LUZP2: variants seen among roughly 807,000 people sequenced by gnomAD.
The protein encoded by LUZP2 is leucine zipper protein 2.
In LUZP2, 52 loss-of-function variants were observed where a neutral mutation model predicts 51.6. The ratio of observed to expected loss-of-function variants is 1.01; its 90% CI spans 0.81 to 1.27. The LOEUF is 1.27. Among genes scored for constraint, LUZP2 ranks in the 50% most tolerant of loss-of-function variants. The pLI is 0.00. For missense variants in LUZP2, 436 were observed against 395.4 expected (o/e 1.10, Z -0.87); for synonymous variants, 154 against 137.3 (o/e 1.12, Z -0.85).
intron 5 of LUZP2, among the ~76,000 whole-genome samples, chr11:24,894,471 G>A (rs1441842692): frequency 2.6e-5 from 4 of 152,052 alleles, no homozygotes; most frequent in Non-Finnish European, 2.9e-5. Context: ...CACCGTGCCC[G>A]GCCAGATAAT....
chr11:24,854,738 G>A (rs1484032680), intron 5 of LUZP2, among the ~76,000 whole-genome samples: 1 of 151,502 alleles, frequency 6.6e-6, no homozygotes, highest in Non-Finnish European at 1.5e-5. Context: ...TTTTGTGCTT[G>A]AAACCCAGTG....
chr11:24,549,073 CTTTTAA>C (rs1163650203), intron 1 of LUZP2, among the ~76,000 whole-genome samples: 2 of 151,928 alleles, frequency 1.3e-5, no homozygotes, highest in African/African-American at 2.4e-5. Flanking sequence ...ACTCTATACA[CTTTTAA>C]TTTTAATTTT....
chr11:24,886,528 A>G (rs139213784), intron 5 of LUZP2, among the ~76,000 whole-genome samples: 1 of 152,282 alleles, frequency 6.6e-6, no homozygotes, highest in Non-Finnish European at 1.5e-5. Context: ...AGAAAAATTT[A>G]TTTCCATTGC....
chr11:24,668,725 C>T (rs536181582), intron 1 of LUZP2, among the ~76,000 whole-genome samples: 11 of 152,252 alleles, frequency 7.2e-5, no homozygotes, highest in Admixed American at 2.0e-4. Context: ...TTACACTGCA[C>T]GTCTCTCGCT....
intron 1 of LUZP2, among the ~76,000 whole-genome samples, chr11:24,514,263 G>C (rs1418997295): frequency 6.6e-6 from 1 of 152,156 alleles, no homozygotes; most frequent in African/African-American, 2.4e-5. Context: ...AGACAAAGTG[G>C]CAGAGAAAAA....
At chr11:24,817,897 T>C (rs1022475393) in intron 5 of LUZP2, among the ~76,000 whole-genome samples, 1 of 152,110 alleles carries the variant, frequency 6.6e-6, no homozygotes, top group African/African-American at 2.4e-5. Flanking sequence ...TATGAACATA[T>C]CTTCCAGCTG....
At chr11:24,678,947 C>A (rs1856650386) in intron 1 of LUZP2, among the ~76,000 whole-genome samples, 1 of 152,168 alleles carries the variant, frequency 6.6e-6, no homozygotes, top group Admixed American at 6.5e-5. Flanking sequence ...AGAGAACAAT[C>A]CTTGGCATTT....
chr11:24,926,203 G>T (rs1325611280), intron 7 of LUZP2, among the ~76,000 whole-genome samples: 2 of 147,186 alleles, frequency 1.4e-5, no homozygotes, highest in Non-Finnish European at 3.0e-5. Flanking sequence ...ATATATATAT[G>T]TGTGTATATA....
chr11:24,868,599 C>T (rs1851963923), intron 5 of LUZP2, among the ~76,000 whole-genome samples: 1 of 152,024 alleles, frequency 6.6e-6, no homozygotes, highest in East Asian at 1.9e-4. Flanking sequence ...ATATTTTCTC[C>T]CTGACACCAT....
intron 10 of LUZP2, among the ~76,000 whole-genome samples, chr11:25,058,224 G>A (rs913060054): frequency 6.6e-6 from 1 of 151,640 alleles, no homozygotes; most frequent in African/African-American, 2.4e-5. Flanking sequence ...AGATTCCAAT[G>A]GTCTTTGGAA....
chr11:24,878,096 CTG>C (rs3078865), intron 5 of LUZP2, among the ~76,000 whole-genome samples: 6 of 45,500 alleles, frequency 1.3e-4, no homozygotes, highest in South Asian at 1.1e-3. Context: ...TTGTAATATT[CTG>C]TGTTTTTTTT....
intron 4 of LUZP2, among the ~76,000 whole-genome samples, chr11:24,760,519 A>C (rs771535629): frequency 6.6e-6 from 1 of 152,174 alleles, no homozygotes; most frequent in Non-Finnish European, 1.5e-5. Context: ...TACTTTGAAA[A>C]TTAATATGGC....
chr11:25,043,832 T>C (rs1188414020), intron 9 of LUZP2, among the ~76,000 whole-genome samples: 1 of 147,518 alleles, frequency 6.8e-6, no homozygotes, highest in Non-Finnish European at 1.5e-5. Flanking sequence ...TAAATTGCAG[T>C]GTGCTTTTTG....
At chr11:24,652,074 TATGTGTGTACACATGTTGTGC>T (rs1855642373) in intron 1 of LUZP2, among the ~76,000 whole-genome samples, 1 of 146,130 alleles carries the variant, frequency 6.8e-6, no homozygotes, top group South Asian at 2.2e-4. Flanking sequence ...ACATGTTGTA[TATGTGTGTACACATGTTGTGC>T]ATGTGTGTAT....
rs372657183 is a variant in LUZP2, at chr11:25,076,620, A to G, written c.859-709A>G. ...GAGGGAACTAAGGAAGGAATGAAGG[A>G]AGGAAGGGAGGAAGGGAAAAAGAGG... On this transcript the variant is annotated intron_variant, in intron 10 of 11. Transcript: ENST00000336930. Among the ~76,000 whole-genome samples, 781 of 95,326 alleles carry G rather than the reference A, an allele frequency of 8.2e-3. 6 individuals carry two copies. The highest frequency in any genetic ancestry group is 0.023 in the African/African-American group (665 of 28,838). 62.5% of individuals were successfully genotyped at this position (95,326 alleles called of 152,430 possible).
chr11:24,601,436 C>G (rs1853632731), intron 1 of LUZP2, among the ~76,000 whole-genome samples: 1 of 151,852 alleles, frequency 6.6e-6, no homozygotes, highest in Non-Finnish European at 1.5e-5. Flanking sequence ...ATGCATATAA[C>G]TATGTAAAGA....
At chr11:24,828,514 C>A (rs1040883305) in intron 5 of LUZP2, among the ~76,000 whole-genome samples, 2 of 149,864 alleles carry the variant, frequency 1.3e-5, no homozygotes, top group African/African-American at 2.5e-5. Flanking sequence ...AGTTACTGAT[C>A]TCCTGCACTA....
chr11:24,896,391 G>A (rs988281422), intron 5 of LUZP2, among the ~76,000 whole-genome samples: 10 of 152,286 alleles, frequency 6.6e-5, no homozygotes, highest in African/African-American at 1.4e-4. Flanking sequence ...GCAGCCAGCC[G>A]GCCGGCGATG....
chr11:24,828,674 G>A (rs187902374), intron 5 of LUZP2, among the ~76,000 whole-genome samples: 7 of 151,890 alleles, frequency 4.6e-5, no homozygotes, highest in East Asian at 1.9e-4. Context: ...GGCAAAATTC[G>A]AAACTGTGAT....
Sources: gnomAD v4.1 joint callset for allele counts (sites outside exome capture counted in the v4.1 genomes callset) on GRCh38, gnomAD v4.1.1 for gene constraint, MANE v1.5 for transcripts, NCBI Gene and HGNC (gene_info 2026-07-23, HGNC 2026-07-21) for gene names.